Variants in CDK14 observed in about 807,000 individuals in gnomAD.
CDK14 encodes the protein cyclin-dependent kinase 14.
In CDK14, 34 loss-of-function variants were observed where a neutral mutation model predicts 60.7. That is an observed-to-expected ratio of 0.56 (90% CI 0.43 to 0.75). CDK14 has a LOEUF of 0.75. Ranked by LOEUF, CDK14 falls within the 30% of genes least tolerant of loss-of-function variation. The probability of loss-of-function intolerance (pLI) is 0.00; values close to 1 mark genes in which losing one functional copy is unlikely to be tolerated. For missense variants in CDK14, 482 were observed against 564.1 expected, an observed-to-expected ratio of 0.85 and a Z score of 1.47; for synonymous variants, 197 against 203.7, an observed-to-expected ratio of 0.97 and a Z score of 0.28.
intron 9 of CDK14, among the ~76,000 whole-genome samples, chr7:90,968,718 A>C (rs1794829976): frequency 6.6e-6 from 1 of 152,174 alleles, no homozygotes; most frequent in African/African-American, 2.4e-5. Flanking sequence ...ATAGAAATAA[A>C]TAAATTTCCA....
chr7:91,174,148 C>A (rs1298874085), intron 14 of CDK14, among the ~76,000 whole-genome samples: 1 of 151,996 alleles, frequency 6.6e-6, no homozygotes, highest in Non-Finnish European at 1.5e-5. Context: ...GGTCCCTGAC[C>A]CCTGACCCCT....
At chr7:90,674,606 T>G (rs1364864327) in intron 2 of CDK14, among the ~76,000 whole-genome samples, 2 of 152,202 alleles carry the variant, frequency 1.3e-5, no homozygotes, top group African/African-American at 4.8e-5. Context: ...GATTTTTAGA[T>G]TTAGAGGTTT....
intron 12 of CDK14, among the ~76,000 whole-genome samples, chr7:91,105,604 A>G (rs765127201): frequency 7.9e-5 from 12 of 152,182 alleles, no homozygotes; most frequent in Non-Finnish European, 7.3e-5. Flanking sequence ...CACATTCTCA[A>G]TCCAGGCCTC....
chr7:90,947,484 A>G (rs1347503726), intron 8 of CDK14, among the ~76,000 whole-genome samples: 1 of 152,230 alleles, frequency 6.6e-6, no homozygotes, highest in Non-Finnish European at 1.5e-5. Flanking sequence ...TGGGATACGA[A>G]TAATCTTACG....
chr7:90,854,793 A>G (rs1371827330), intron 5 of CDK14, among the ~76,000 whole-genome samples: 1 of 152,144 alleles, frequency 6.6e-6, no homozygotes, highest in African/African-American at 2.4e-5. Flanking sequence ...CCAGACCAAG[A>G]TTAAAAAATA....
chr7:90,820,605 C>G (rs904284752), intron 5 of CDK14, among the ~76,000 whole-genome samples: 1 of 152,146 alleles, frequency 6.6e-6, no homozygotes, highest in African/African-American at 2.4e-5. Context: ...AACTGTGAGT[C>G]AATTAAACCT....
intron 2 of CDK14, among the ~76,000 whole-genome samples, chr7:90,636,452 A>G (rs1338194841): frequency 1.3e-5 from 2 of 152,008 alleles, no homozygotes; most frequent in African/African-American, 4.8e-5. Flanking sequence ...ATTTGCATAT[A>G]TTGAACCAGC....
At chr7:90,824,472 G>T (rs1188529276) in intron 5 of CDK14, 2 of 152,154 alleles carry the variant, frequency 1.3e-5, no homozygotes, top group Non-Finnish European at 1.5e-5. Flanking sequence ...GAAGCTGTGA[G>T]TCAGTTGGAG....
intron 5 of CDK14, among the ~76,000 whole-genome samples, chr7:90,802,618 CAA>C (rs1439213385): frequency 1.3e-5 from 2 of 152,128 alleles, no homozygotes; most frequent in Non-Finnish European, 2.9e-5. Context: ...TGATTTTGAG[CAA>C]GTCTTAAACT....
At chr7:90,601,100 T>G (rs868077199) in intron 1 of CDK14, among the ~76,000 whole-genome samples, 2 of 152,226 alleles carry the variant, frequency 1.3e-5, no homozygotes, top group Middle Eastern at 3.2e-3. Context: ...ATGAGAAGCT[T>G]TCTAGAGGAA....
intron 2 of CDK14, among the ~76,000 whole-genome samples, chr7:90,630,771 A>AT (rs546764841): frequency 2.0e-4 from 31 of 151,806 alleles, no homozygotes; most frequent in African/African-American, 5.1e-4. Context: ...ATTCAGGTGA[A>AT]TTTTTTTTAC....
chr7:90,870,262 G>A (rs996869527), intron 6 of CDK14, among the ~76,000 whole-genome samples: 6 of 152,178 alleles, frequency 3.9e-5, no homozygotes, highest in Admixed American at 6.5e-5. Context: ...AATACTGCAT[G>A]TTCTGACTTA....
At chr7:90,697,172 C>G (rs1380821774) in intron 2 of CDK14, among the ~76,000 whole-genome samples, 1 of 152,116 alleles carries the variant, frequency 6.6e-6, no homozygotes, top group Non-Finnish European at 1.5e-5. Flanking sequence ...GAGAGCGGTT[C>G]AGAATCAAGG....
chr7:90,796,253 G>C (rs1158268956), intron 5 of CDK14, among the ~76,000 whole-genome samples: 1 of 152,170 alleles, frequency 6.6e-6, no homozygotes, highest in Non-Finnish European at 1.5e-5. Flanking sequence ...CTGATATTCA[G>C]ATAGGATATC....
intron 2 of CDK14, among the ~76,000 whole-genome samples, chr7:90,663,050 G>A (rs1397274465): frequency 6.6e-6 from 1 of 151,732 alleles, no homozygotes; most frequent in Non-Finnish European, 1.5e-5. Flanking sequence ...TTTGCGTTGA[G>A]TGGAATGTCT....
At chr7:90,652,885 T>A (rs1241693797) in intron 2 of CDK14, among the ~76,000 whole-genome samples, 1 of 152,162 alleles carries the variant, frequency 6.6e-6, no homozygotes, top group African/African-American at 2.4e-5. Context: ...TAGATAGAAG[T>A]GAAGGTTGCA....
chr7:91,040,903 T>C (rs907430822), intron 10 of CDK14, among the ~76,000 whole-genome samples: 1 of 152,222 alleles, frequency 6.6e-6, no homozygotes, highest in African/African-American at 2.4e-5. Flanking sequence ...GATAAGTAAA[T>C]ATTTCTGACA....
At chr7:90,788,706 C>T (rs1010842575) in intron 4 of CDK14, among the ~76,000 whole-genome samples, 1 of 152,116 alleles carries the variant, frequency 6.6e-6, no homozygotes, top group Non-Finnish European at 1.5e-5. Context: ...ATGTCTATGG[C>T]AGTTTTTTGA....
intron 5 of CDK14, among the ~76,000 whole-genome samples, chr7:90,816,326 A>G (rs979743836): frequency 6.6e-6 from 1 of 152,184 alleles, no homozygotes; most frequent in Admixed American, 6.5e-5. Context: ...TCTTGCTAGT[A>G]GGGTGTGTGG....
Sources: allele counts gnomAD v4.1 joint callset (sites outside exome capture counted in the v4.1 genomes callset), GRCh38; gene constraint gnomAD v4.1.1; transcripts MANE v1.5; gene names NCBI Gene and HGNC (gene_info 2026-07-23, HGNC 2026-07-21).